ZYG11B: variants seen among roughly 807,000 people sequenced by gnomAD.
ZYG11B encodes protein zyg-11 homolog B.
A neutral mutation model predicts 82.4 loss-of-function variants in ZYG11B; 36 were observed. The observed-to-expected ratio is 0.44, with a 90% confidence interval of 0.33 to 0.58. The LOEUF is 0.58. Ranked by LOEUF, ZYG11B falls within the 20% of genes least tolerant of loss-of-function variation. The pLI is 0.02. For synonymous variants in ZYG11B, 303 were observed against 312.8 expected (o/e 0.97, Z 0.33); for missense variants, 552 against 895.6 (o/e 0.62, Z 4.90).
At chr1:52,734,217 C>T (rs1033396821) in intron 1 of ZYG11B, among the ~76,000 whole-genome samples, 2 of 151,902 alleles carry the variant, frequency 1.3e-5, no homozygotes, top group Non-Finnish European at 2.9e-5. Flanking sequence ...AGGCTGGTCT[C>T]AAACTCCTGG....
intron 1 of ZYG11B, among the ~76,000 whole-genome samples, chr1:52,746,143 G>A (rs1644474400): frequency 6.6e-6 from 1 of 151,808 alleles, no homozygotes; most frequent in Non-Finnish European, 1.5e-5. Flanking sequence ...ATTTTTTTTA[G>A]TAGAGACGGG....
chr1:52,821,589 C>A lies in ZYG11B; in HGVS notation c.2195C>A (p.Pro732Gln). The change falls in exon 14 of 14, where the codon CCA becomes CAA. Residue 732 changes from proline to glutamine, a missense_variant. Transcript: ENST00000294353. Reference sequence around the variant, plus strand: ...AAACACATTGTGCGCCATGGGAGGCCACCTCCCTGTAAAAAACAGCCCCAA... The same window carrying A: ...AAACACATTGTGCGCCATGGGAGGCAACCTCCCTGTAAAAAACAGCCCCAA... ...LEKHIVRHGRPPPCKKQPQAR... is the reference protein window; with the variant it reads ...LEKHIVRHGRQPPCKKQPQAR... 1 of 1,613,810 alleles carries A rather than the reference C, an allele frequency of 6.2e-7. No individual in the cohort carries two copies. Among genetic ancestry groups the A allele is most frequent in the Non-Finnish European group, 8.5e-7 (1 of 1,179,902 alleles).
intron 2 of ZYG11B, among the ~76,000 whole-genome samples, chr1:52,769,521 C>T (rs1644728011): frequency 6.6e-6 from 1 of 152,174 alleles, no homozygotes; most frequent in Non-Finnish European, 1.5e-5. Flanking sequence ...TTTCCAAGTG[C>T]TCTCCAGCTG....
intron 12 of ZYG11B, among the ~76,000 whole-genome samples, chr1:52,815,706 G>C (rs974657200): frequency 2.0e-5 from 3 of 151,926 alleles, no homozygotes; most frequent in African/African-American, 7.3e-5. Flanking sequence ...AGGCCGAGGC[G>C]GGCAGATCAC....
At chr1:52,802,332 C>A in intron 10 of ZYG11B, among the ~76,000 whole-genome samples, 193 bp downstream of exon 10, 1 of 132,984 alleles carries the variant, frequency 7.5e-6, no homozygotes, top group East Asian at 2.3e-4. Context: ...CAATTTCTTT[C>A]TTTCTCTCTT....
chr1:52,746,697 T>TTG (rs1644480052), intron 1 of ZYG11B, among the ~76,000 whole-genome samples: 1 of 130,294 alleles, frequency 7.7e-6, no homozygotes, highest in Admixed American at 8.2e-5. Context: ...GTTTTTTTTT[T>TTG]TTTTTTTTTT....
chr1:52,752,568 A>G (rs1486012868), intron 1 of ZYG11B, among the ~76,000 whole-genome samples: 1 of 152,220 alleles, frequency 6.6e-6, no homozygotes, highest in Non-Finnish European at 1.5e-5. Flanking sequence ...GAGTCATATT[A>G]GCAGATTATC....
Position 52,726,542 on chromosome 1 carries a change from C to G in ZYG11B, c.-112C>G. On this transcript the variant is annotated 5_prime_UTR_variant, in exon 1 of 14. Coordinates refer to ENST00000294353, the MANE Select transcript of ZYG11B (RefSeq NM_024646.3). ...TAGCTTGAGGGAAAGAGGCCGAGGC[C>G]TGGGCCAAGCCCGGAGCCGCCGCTC... 1 of 1,102,588 alleles carries G rather than the reference C, an allele frequency of 9.1e-7. No individual in the cohort carries two copies. The highest frequency in any genetic ancestry group is 3.3e-4 in the Middle Eastern group (1 of 3,058). The allele number at this position is 1,102,588 out of a possible 1,614,324, so 68.3% of individuals were successfully genotyped here. A position where few individuals can be genotyped will look rare whatever the true frequency, so the allele number is the denominator to read the frequency against.
intron 1 of ZYG11B, among the ~76,000 whole-genome samples, chr1:52,754,032 CT>C (rs199603408): frequency 0.11 from 15,658 of 143,834 alleles, 1,809 homozygotes; most frequent in East Asian, 0.35. Context: ...CCCCCTTTGC[CT>C]TTTTTTTTTT....
intron 6 of ZYG11B, among the ~76,000 whole-genome samples, chr1:52,795,557 A>G (rs1471974859): frequency 2.0e-5 from 3 of 151,918 alleles, no homozygotes; most frequent in Non-Finnish European, 2.9e-5. Flanking sequence ...TGACATTTCT[A>G]TGCCCATACC....
rs1435634495 is a variant in ZYG11B, at chr1:52,821,510, C to G, written c.2116C>G (p.His706Asp). The G allele has an allele frequency of 6.2e-7, 1 of 1,613,852 alleles. No homozygotes were observed. The highest frequency in any genetic ancestry group is 8.5e-7 in the Non-Finnish European group (1 of 1,179,978). The change falls in exon 14 of 14, where the codon CAT (histidine) becomes GAT (aspartate). Residue 706 changes from histidine (H) to aspartate (D), a missense_variant. By Grantham distance (81) the His-to-Asp change is moderately conservative. This residue lies in a region of ZYG11B where 127 missense variants were observed against 163.4 expected (regional missense o/e 0.78). Coordinates refer to ENST00000294353, the MANE Select transcript of ZYG11B (RefSeq NM_024646.3). ...TTTATACAACATCAAAGATCATGAA[C>G]ATACTGATCCCCATGTCCAACAGAT... is the stretch of plus-strand genomic sequence containing the variant. ...QHLYNIKDHE[H>D]TDPHVQQIAV... is the part of the protein sequence containing the mutation.
intron 10 of ZYG11B, among the ~76,000 whole-genome samples, chr1:52,802,340 CTTTTTTTTTT>C (rs397980205): frequency 1.8e-4 from 14 of 78,078 alleles, no homozygotes; most frequent in Middle Eastern, 8.3e-3. Flanking sequence ...TTCTTTCTCT[CTTTTTTTTTT>C]TTTTTTTTTT....
At chr1:52,803,224 AC>A in intron 10 of ZYG11B, among the ~76,000 whole-genome samples, 2 of 62,032 alleles carry the variant, frequency 3.2e-5, no homozygotes, top group East Asian at 2.9e-3. Flanking sequence ...ATATATATAT[AC>A]ACACATATAT....
chr1:52,746,765 G>C (rs543336555), intron 1 of ZYG11B, among the ~76,000 whole-genome samples: 1 of 107,192 alleles, frequency 9.3e-6, no homozygotes, highest in Non-Finnish European at 1.7e-5. Flanking sequence ...TTCAGCCATT[G>C]CTCAGGGGCT....
intron 4 of ZYG11B, 92 bp from the exon 5 acceptor site, chr1:52,784,785 T>C (rs1644899325): frequency 2.2e-6 from 3 of 1,383,030 alleles, no homozygotes; most frequent in African/African-American, 1.5e-5. Flanking sequence ...ATGACATCTT[T>C]GAAATTACTA....
Position 52,796,284 on chromosome 1 carries a change from GTT to G in ZYG11B, c.1335-5_1335-4del. ...GATTAATTCATGAAACCCTTTTTGT[GTT>G]TTCAGGTTTGAAGCAGCCAAGCTTG... is the stretch of plus-strand genomic sequence containing the variant. On this transcript the variant is annotated splice_region_variant and splice_polypyrimidine_tract_variant and intron_variant, in intron 6 of 13. Transcript: ENST00000294353. 1.2e-6 allele frequency: 2 copies of G among 1,610,384 alleles called. No individual in the cohort carries two copies. The highest frequency in any genetic ancestry group is 1.7e-6 in the Non-Finnish European group (2 of 1,177,828).
At chr1:52,785,527 A>G (rs764516571) in intron 5 of ZYG11B, among the ~76,000 whole-genome samples, 1 of 151,940 alleles carries the variant, frequency 6.6e-6, no homozygotes, top group South Asian at 2.1e-4. Context: ...CGCGATCTCA[A>G]CTCACTGCAA....
chr1:52,797,472 A>ATATATGATATATAATATAATAAAT (rs1265325190), intron 8 of ZYG11B, among the ~76,000 whole-genome samples: 5 of 92,688 alleles, frequency 5.4e-5, no homozygotes, highest in East Asian at 3.3e-4. Flanking sequence ...TATATATATT[A>ATATATGATATATAATATAATAAAT]TATATGATAT....
chr1:52,732,664 C>T (rs569356803), intron 1 of ZYG11B, among the ~76,000 whole-genome samples: 5 of 152,286 alleles, frequency 3.3e-5, no homozygotes, highest in African/African-American at 1.2e-4. Flanking sequence ...ACTCAGGAGT[C>T]TGAGGCAGGA....
Sources: gnomAD v4.1 joint callset for allele counts (sites outside exome capture counted in the v4.1 genomes callset) on GRCh38, gnomAD v4.1.1 for gene constraint, gnomAD v4.1.1 regional missense constraint, MANE v1.5 for transcripts, NCBI Gene and HGNC (gene_info 2026-07-23, HGNC 2026-07-21) for gene names.